The following THSD7B variants were observed in gnomAD, a reference collection of about 807,000 sequenced individuals.
THSD7B encodes the protein thrombospondin type 1 domain containing 7B.
Under a neutral mutation model 213.6 loss-of-function variants are expected in THSD7B, and 138 were observed. The ratio of observed to expected loss-of-function variants is 0.65; its 90% CI spans 0.56 to 0.74. The LOEUF is 0.74. THSD7B is among the 30% of genes least tolerant of loss of function. The pLI, the probability that THSD7B is intolerant of heterozygous loss-of-function variation, is 0.00. For missense variants in THSD7B, 1,931 were observed against 1,991.5 expected (o/e 0.97, Z 0.58); for synonymous variants, 742 against 687.0 (o/e 1.08, Z -1.25).
chr2:137,276,113 A>G, intron 12 of THSD7B, 87 bp downstream of exon 12: 1 of 878,692 alleles, frequency 1.1e-6, no homozygotes, highest in Non-Finnish European at 1.7e-6. Context: ...TTATATTTGA[A>G]TGAATTGTGA....
At chr2:137,309,662 C>T (rs1411453780) in intron 12 of THSD7B, among the ~76,000 whole-genome samples, 1 of 152,070 alleles carries the variant, frequency 6.6e-6, no homozygotes, top group Non-Finnish European at 1.5e-5. Context: ...CCCCTACCCC[C>T]ACCCCACAAC....
chr2:137,534,102 T>C (rs568943668), intron 15 of THSD7B, among the ~76,000 whole-genome samples: 1 of 151,642 alleles, frequency 6.6e-6, no homozygotes, highest in East Asian at 2.0e-4. Context: ...TCTTCTGTAG[T>C]GTTTGAAATA....
intron 2 of THSD7B, among the ~76,000 whole-genome samples, chr2:137,045,330 A>C (rs1380264707): frequency 6.6e-6 from 1 of 152,210 alleles, no homozygotes; most frequent in Non-Finnish European, 1.5e-5. Flanking sequence ...TTACTTGCAC[A>C]CAAGCACTGC....
At chr2:137,139,983 GTTA>G (rs1230449936) in intron 5 of THSD7B, among the ~76,000 whole-genome samples, 2 of 151,982 alleles carry the variant, frequency 1.3e-5, no homozygotes, top group African/African-American at 4.8e-5. Flanking sequence ...AAGGAAATGT[GTTA>G]TTATAAAAAT....
At chr2:136,880,371 C>CT (rs1056370339) in intron 1 of THSD7B, among the ~76,000 whole-genome samples, 1 of 152,116 alleles carries the variant, frequency 6.6e-6, no homozygotes, top group Non-Finnish European at 1.5e-5. Flanking sequence ...TTCAGATCCC[C>CT]TTTTTACTGT....
chr2:136,899,815 A>C (rs1684034900), intron 2 of THSD7B, among the ~76,000 whole-genome samples: 1 of 152,222 alleles, frequency 6.6e-6, no homozygotes, highest in Non-Finnish European at 1.5e-5. Flanking sequence ...TGCATAATTC[A>C]AATGAAGTAT....
rs570422881 is a variant in THSD7B at position 137,138,905 on chromosome 2, A to G, written c.1370-21308A>G. ...TCAGCAAGTCTTGGTGTCATTTGCAATATCTTATTTACCTCCTTTTGTTAT... is the reference window on the plus strand; with the variant it reads ...TCAGCAAGTCTTGGTGTCATTTGCAGTATCTTATTTACCTCCTTTTGTTAT... On this transcript the variant is annotated intron_variant, in intron 5 of 27. Coordinates refer to ENST00000409968, the MANE Select transcript of THSD7B (RefSeq NM_001316349.2). Among the ~76,000 whole-genome samples the G allele has an allele frequency of 8.7e-4, 132 of 152,268 alleles. 1 individual carries two copies. The Middle Eastern group carries it at 0.01, about 12-fold the overall frequency.
At chr2:137,124,740 G>A (rs969714450) in intron 5 of THSD7B, among the ~76,000 whole-genome samples, 3 of 152,102 alleles carry the variant, frequency 2.0e-5, no homozygotes, top group Non-Finnish European at 4.4e-5. Flanking sequence ...AAATTGACAA[G>A]TAAAAATGTT....
At chr2:137,446,344 A>G (rs1353861206) in intron 14 of THSD7B, among the ~76,000 whole-genome samples, 1 of 152,084 alleles carries the variant, frequency 6.6e-6, no homozygotes, top group Non-Finnish European at 1.5e-5. Context: ...TTACACATAC[A>G]TCCGTTATGC....
chr2:137,493,505 C>T (rs1372330599), intron 15 of THSD7B, among the ~76,000 whole-genome samples: 1 of 152,182 alleles, frequency 6.6e-6, no homozygotes, highest in Non-Finnish European at 1.5e-5. Flanking sequence ...TTTACACACT[C>T]GTACGGTGAC....
intron 10 of THSD7B, among the ~76,000 whole-genome samples, chr2:137,249,517 A>G (rs944130843): frequency 3.3e-5 from 5 of 151,998 alleles, no homozygotes; most frequent in Non-Finnish European, 7.4e-5. Flanking sequence ...CTCTCACTCC[A>G]TTACTCCGTC....
chr2:137,644,339 C>A (rs1373795629), intron 21 of THSD7B, among the ~76,000 whole-genome samples: 2 of 152,138 alleles, frequency 1.3e-5, no homozygotes, highest in African/African-American at 4.8e-5. Context: ...CCAAACAGTG[C>A]CAATCAGCAT....
intron 7 of THSD7B, among the ~76,000 whole-genome samples, chr2:137,175,282 G>T (rs1380392546): frequency 6.6e-6 from 1 of 152,170 alleles, no homozygotes; most frequent in East Asian, 1.9e-4. Flanking sequence ...TTGAAAAAAA[G>T]TGTTTACATG....
At chr2:137,363,750 C>T (rs1434028495) in intron 12 of THSD7B, among the ~76,000 whole-genome samples, 1 of 152,128 alleles carries the variant, frequency 6.6e-6, no homozygotes, top group Admixed American at 6.6e-5. Flanking sequence ...TAACCAATAG[C>T]ATACCAACCA....
At chr2:137,489,528 T>C (rs762283940) in intron 15 of THSD7B, among the ~76,000 whole-genome samples, 2 of 152,232 alleles carry the variant, frequency 1.3e-5, no homozygotes, top group Admixed American at 6.5e-5. Flanking sequence ...TTTAGTCTTA[T>C]TGACCATAAG....
intron 7 of THSD7B, among the ~76,000 whole-genome samples, chr2:137,198,683 A>G (rs917356050): frequency 6.6e-6 from 1 of 152,174 alleles, no homozygotes; most frequent in Non-Finnish European, 1.5e-5. Flanking sequence ...TTAGGTGTAT[A>G]AATGGGAATA....
At chr2:137,042,727 C>A (rs187818764) in intron 2 of THSD7B, among the ~76,000 whole-genome samples, 33 of 152,266 alleles carry the variant, frequency 2.2e-4, no homozygotes, top group Non-Finnish European at 4.3e-4. Flanking sequence ...ACTCGCTTGT[C>A]CCCAGGAACT....
At chr2:137,008,765 C>T (rs1686166533) in intron 2 of THSD7B, among the ~76,000 whole-genome samples, 1 of 152,106 alleles carries the variant, frequency 6.6e-6, no homozygotes, top group African/African-American at 2.4e-5. Flanking sequence ...AAATCACTTG[C>T]TTATGAAGGA....
At chr2:136,829,710 C>T (rs944810475) in intron 1 of THSD7B, among the ~76,000 whole-genome samples, 1 of 152,088 alleles carries the variant, frequency 6.6e-6, no homozygotes, top group African/African-American at 2.4e-5. Flanking sequence ...ACAGGGAAAG[C>T]CATGAAGATC....
Sources: gnomAD v4.1 joint callset for allele counts (sites outside exome capture counted in the v4.1 genomes callset) on GRCh38, gnomAD v4.1.1 for gene constraint, MANE v1.5 for transcripts, NCBI Gene and HGNC (gene_info 2026-07-23, HGNC 2026-07-21) for gene names.